Variants in SRGAP2C observed in about 807,000 individuals in gnomAD.
SRGAP2C encodes SLIT-ROBO Rho GTPase-activating protein 2C.
In SRGAP2C, 15 loss-of-function variants were observed where a neutral mutation model predicts 25.1. That is an observed-to-expected ratio of 0.60 (90% CI 0.40 to 0.92). The LOEUF is 0.92. SRGAP2C is among the 40% of genes least tolerant of loss of function. SRGAP2C has a pLI of 0.00. For missense variants in SRGAP2C, 144 were observed against 264.4 expected, an observed-to-expected ratio of 0.54 and a Z score of 3.16; for synonymous variants, 44 against 96.6, an observed-to-expected ratio of 0.46 and a Z score of 3.19.
At chr1:121,189,924 G>GAGGATGAGA (rs1252433470) in intron 2 of SRGAP2C, among the ~76,000 whole-genome samples, 4 of 140,764 alleles carry the variant, frequency 2.8e-5, no homozygotes, top group African/African-American at 8.2e-5. Flanking sequence ...GAGGCTTAGA[G>GAGGATGAGA]AGGATGAGAA....
chr1:121,230,873 A>T (rs1330090376), intron 2 of SRGAP2C, among the ~76,000 whole-genome samples: 4 of 151,790 alleles, frequency 2.6e-5, no homozygotes, highest in Non-Finnish European at 4.4e-5. Context: ...GAATGAGTTC[A>T]TGTCCTTTGC....
At chr1:121,274,838 G>A (rs1487018974) in intron 2 of SRGAP2C, among the ~76,000 whole-genome samples, 1 of 117,006 alleles carries the variant, frequency 8.5e-6, no homozygotes, top group Non-Finnish European at 1.8e-5. Flanking sequence ...GTTTGTATCT[G>A]TTCTGCTCAT....
chr1:121,211,119 C>T (rs1279770177), intron 2 of SRGAP2C, among the ~76,000 whole-genome samples: 2 of 150,800 alleles, frequency 1.3e-5, no homozygotes, highest in South Asian at 2.1e-4. Flanking sequence ...TTCTCTTCAA[C>T]CTGAAGGACT....
intron 5 of SRGAP2C, among the ~76,000 whole-genome samples, chr1:121,366,583 C>G (rs1405053898): frequency 6.6e-6 from 1 of 150,974 alleles, no homozygotes; most frequent in Non-Finnish European, 1.5e-5. Context: ...AATAGAAACA[C>G]ATCGATGTGA....
chr1:121,305,212 A>C (rs1263429398), intron 3 of SRGAP2C, among the ~76,000 whole-genome samples: 1 of 151,500 alleles, frequency 6.6e-6, no homozygotes, highest in Non-Finnish European at 1.5e-5. Context: ...CAGCATCAGC[A>C]TCAGCATCAG....
intron 3 of SRGAP2C, among the ~76,000 whole-genome samples, chr1:121,308,365 T>G (rs1657896771): frequency 6.6e-6 from 1 of 151,208 alleles, no homozygotes; most frequent in Non-Finnish European, 1.5e-5. Context: ...TTTTGTACAC[T>G]CTGGCCTTTT....
Position 121,330,198 on chromosome 1 carries a change from TA to T in SRGAP2C, c.423+5562del, listed in dbSNP as rs1658403594. On this transcript the variant is annotated intron_variant, in intron 4 of 9. Transcript: ENST00000367123. The stretch of plus-strand genomic sequence containing the variant: ...CTCTTTTTACTTAGCTGGAACACAC[TA>T]AAAGTACCTCTGACTTTGCTTTCTC... Among the ~76,000 whole-genome samples, 16 of 128,452 alleles carry T rather than the reference TA, an allele frequency of 1.2e-4. No individual in the cohort carries two copies. In the South Asian group the frequency reaches 4.4e-3, roughly 35 times the overall value. The allele number at this position is 128,452 out of a possible 152,430, so 84.3% of individuals were successfully genotyped here.
At chr1:121,314,470 A>G (rs1331168528) in intron 3 of SRGAP2C, among the ~76,000 whole-genome samples, 15 of 152,194 alleles carry the variant, frequency 9.9e-5, no homozygotes, top group South Asian at 2.1e-4. Flanking sequence ...TACTGGTGAG[A>G]AACTGCGTTC....
At chr1:121,208,606 C>T (rs1409142866) in intron 2 of SRGAP2C, among the ~76,000 whole-genome samples, 2 of 152,162 alleles carry the variant, frequency 1.3e-5, no homozygotes, top group East Asian at 1.9e-4. Context: ...ATACTGTATT[C>T]GCTATTTAAC....
At chr1:121,355,190 C>G (rs2101638450) in intron 4 of SRGAP2C, among the ~76,000 whole-genome samples, 1 of 148,006 alleles carries the variant, frequency 6.8e-6, no homozygotes, top group African/African-American at 2.5e-5. Flanking sequence ...TTTAACACAC[C>G]TGTCTCAGTG....
chr1:121,355,108 G>A (rs1438318632), intron 4 of SRGAP2C, among the ~76,000 whole-genome samples: 4 of 117,318 alleles, frequency 3.4e-5, no homozygotes, highest in Non-Finnish European at 5.2e-5. Flanking sequence ...TAATAACATA[G>A]GCTTAAAATA....
chr1:121,204,320 A>G (rs1553322214), intron 2 of SRGAP2C, among the ~76,000 whole-genome samples: 1 of 151,592 alleles, frequency 6.6e-6, no homozygotes, highest in Non-Finnish European at 1.5e-5. Context: ...CTGGCATAAT[A>G]TATGTTCTGC....
intron 5 of SRGAP2C, among the ~76,000 whole-genome samples, chr1:121,370,622 T>G (rs1394873061): frequency 1.3e-5 from 2 of 151,758 alleles, no homozygotes; most frequent in Non-Finnish European, 2.9e-5. Flanking sequence ...ATTTTTGTAT[T>G]TTTAGTAGAG....
intron 2 of SRGAP2C, among the ~76,000 whole-genome samples, chr1:121,238,421 A>T (rs1467923697): frequency 6.5e-4 from 98 of 151,592 alleles, no homozygotes; most frequent in Admixed American, 1.1e-3. Flanking sequence ...TATGCTGAGT[A>T]CCTGAGATAA....
chr1:121,308,311 C>A (rs1416913770), intron 3 of SRGAP2C, among the ~76,000 whole-genome samples: 1 of 149,178 alleles, frequency 6.7e-6, no homozygotes, highest in Non-Finnish European at 1.5e-5. Flanking sequence ...AGACTCTAGA[C>A]CATCTTGAAA....
intron 3 of SRGAP2C, among the ~76,000 whole-genome samples, chr1:121,307,336 C>T (rs1161417787): frequency 2.6e-5 from 4 of 151,682 alleles, no homozygotes; most frequent in East Asian, 1.9e-4. Flanking sequence ...GTGACCTATA[C>T]GTTGATTTTT....
chr1:121,368,588 T>C lies in SRGAP2C; in HGVS notation c.486+3233T>C, dbSNP rs587742267. Among the ~76,000 whole-genome samples, 209 of 152,022 alleles carry C rather than the reference T, an allele frequency of 1.4e-3. 1 individual carries two copies. Among genetic ancestry groups the C allele is most frequent in the African/African-American group, 4.8e-3 (199 of 41,464 alleles). On this transcript the variant is annotated intron_variant, in intron 5 of 9. Coordinates refer to ENST00000367123, the MANE Select transcript of SRGAP2C (RefSeq NM_001329984.2). ...GTGCTGAAACTGGAAAAGTTCGAGGTTAAAAAGGGTTAATTGGTCACCTTG... is the reference window on the plus strand; with the variant it reads ...GTGCTGAAACTGGAAAAGTTCGAGGCTAAAAAGGGTTAATTGGTCACCTTG...
At chr1:121,274,961 A>G (rs1419346940) in intron 2 of SRGAP2C, among the ~76,000 whole-genome samples, 3 of 149,634 alleles carry the variant, frequency 2.0e-5, no homozygotes, top group Admixed American at 1.3e-4. Context: ...CCTGAGCTTC[A>G]TCTGCCCATT....
chr1:121,295,834 T>G (rs1378686742), intron 3 of SRGAP2C, among the ~76,000 whole-genome samples: 3 of 152,022 alleles, frequency 2.0e-5, no homozygotes, highest in Non-Finnish European at 4.4e-5. Flanking sequence ...CGATCTCAGC[T>G]CACTGCATCC....
Sources: allele counts gnomAD v4.1 joint callset (sites outside exome capture counted in the v4.1 genomes callset), GRCh38; gene constraint gnomAD v4.1.1; transcripts MANE v1.5; gene names NCBI Gene and HGNC (gene_info 2026-07-23, HGNC 2026-07-21).